Variants in TYW1 observed in about 807,000 individuals in gnomAD.
TYW1 encodes the protein S-adenosyl-L-methionine-dependent tRNA 4-demethylwyosine synthase TYW1.
Under a neutral mutation model 96.2 loss-of-function variants are expected in TYW1, and 46 were observed. The ratio of observed to expected loss-of-function variants is 0.48; its 90% CI spans 0.38 to 0.61. The LOEUF is 0.61. TYW1 is among the 20% of genes least tolerant of loss of function. The probability of loss-of-function intolerance (pLI) is 0.00; values close to 1 mark genes in which losing one functional copy is unlikely to be tolerated. For synonymous variants in TYW1, 274 were observed against 323.0 expected (o/e 0.85, Z 1.63); for missense variants, 684 against 909.6 (o/e 0.75, Z 3.19).
intron 12 of TYW1, among the ~76,000 whole-genome samples, chr7:67,116,187 G>A (rs1038744635): frequency 1.3e-5 from 2 of 152,044 alleles, no homozygotes; most frequent in African/African-American, 4.8e-5. Context: ...TTAGCCGGAT[G>A]TGGCACGGTA....
At chr7:66,999,307 T>C (rs1160178516) in intron 3 of TYW1, among the ~76,000 whole-genome samples, 3 of 152,214 alleles carry the variant, frequency 2.0e-5, no homozygotes, top group Non-Finnish European at 4.4e-5. Context: ...AGGATGGCAC[T>C]AATAGTTCCA....
At chr7:67,044,421 C>G (rs1269950802) in intron 7 of TYW1, among the ~76,000 whole-genome samples, 2 of 151,808 alleles carry the variant, frequency 1.3e-5, no homozygotes, top group East Asian at 1.9e-4. Flanking sequence ...TTGAAAGTTA[C>G]CAGGCTTAGA....
intron 15 of TYW1, among the ~76,000 whole-genome samples, chr7:67,221,817 C>T (rs1232390784): frequency 2.0e-5 from 3 of 151,628 alleles, no homozygotes; most frequent in African/African-American, 7.3e-5. Flanking sequence ...AGAATAACAC[C>T]TTTTTGATAC....
intron 11 of TYW1, among the ~76,000 whole-genome samples, chr7:67,094,427 A>G (rs1290642556): frequency 6.6e-6 from 1 of 152,082 alleles, no homozygotes; most frequent in Non-Finnish European, 1.5e-5. Flanking sequence ...AAATCTCTCT[A>G]TAGAGGTTGA....
chr7:67,002,724 A>AT (rs1285775190), intron 3 of TYW1, among the ~76,000 whole-genome samples: 7 of 148,336 alleles, frequency 4.7e-5, no homozygotes, highest in African/African-American at 1.2e-4. Context: ...TCTTGGATGA[A>AT]TTTTTTTTTC....
chr7:66,998,101 TA>T lies in TYW1; in HGVS notation c.43del (p.Ile15TyrfsTer5), dbSNP rs752828067. The stretch of plus-strand genomic sequence containing the variant: ...GATACATGGGACCTCTTCTCACCTT[TA>T]ATATCATTATGGATAAACAGGTTTT... ...SADTWDLFSP[L>X]ISLWINRFYI... On this transcript the variant is annotated frameshift_variant, in exon 2 of 16. Transcript: ENST00000359626. LOFTEE classifies it high-confidence loss of function. The T allele has an allele frequency of 2.0e-5, 33 of 1,610,882 alleles. No individual in the cohort carries two copies. Among genetic ancestry groups the T allele is most frequent in the Non-Finnish European group, 2.6e-5 (31 of 1,179,254 alleles).
intron 10 of TYW1, among the ~76,000 whole-genome samples, chr7:67,068,848 T>A (rs1399745001): frequency 6.6e-6 from 1 of 152,234 alleles, no homozygotes; most frequent in Non-Finnish European, 1.5e-5. Context: ...TAGGCTTGTG[T>A]TAACTTGTTC....
At chr7:67,215,568 TC>T (rs1349068507) in intron 15 of TYW1, among the ~76,000 whole-genome samples, 4 of 152,204 alleles carry the variant, frequency 2.6e-5, no homozygotes, top group African/African-American at 9.7e-5. Flanking sequence ...CTCTCCCTTT[TC>T]TGTACAACTT....
intron 10 of TYW1, among the ~76,000 whole-genome samples, chr7:67,075,511 G>A (rs769648003): frequency 4.6e-5 from 7 of 152,224 alleles, no homozygotes; most frequent in Non-Finnish European, 1.0e-4. Flanking sequence ...AACATGTGGT[G>A]TATCCATTCC....
chr7:67,112,100 C>CAAAAAAAAAAAAAAAA lies in TYW1; in HGVS notation c.1563-5375_1563-5360dup, dbSNP rs538839042. On this transcript the variant is annotated intron_variant, in intron 12 of 15. Transcript: ENST00000359626. The stretch of plus-strand genomic sequence containing the variant: ...GGTGACAGAGCGAGACTCTGTCTGA[C>CAAAAAAAAAAAAAAAA]AAAAAAAAAAAAAAAAAAAAAAAGA... Among the ~76,000 whole-genome samples the CAAAAAAAAAAAAAAAA allele has an allele frequency of 2.1e-3, 195 of 94,810 alleles. 3 individuals carry two copies. Among genetic ancestry groups the CAAAAAAAAAAAAAAAA allele is most frequent in the Admixed American group, 3.4e-3 (25 of 7,346 alleles). The allele number at this position is 94,810 out of a possible 152,430, so 62.2% of individuals were successfully genotyped here.
chr7:67,139,546 A>G (rs1339104515), intron 13 of TYW1, among the ~76,000 whole-genome samples: 2 of 152,238 alleles, frequency 1.3e-5, no homozygotes, highest in African/African-American at 2.4e-5. Context: ...ACCAAAATCT[A>G]CAGTTACCAT....
At chr7:67,218,489 G>T (rs1045821312) in intron 15 of TYW1, among the ~76,000 whole-genome samples, 32 of 152,058 alleles carry the variant, frequency 2.1e-4, no homozygotes, top group Admixed American at 6.5e-4. Flanking sequence ...GAGTAGCTGG[G>T]ACTACAAGTG....
chr7:67,081,267 C>T (rs1388548913), intron 10 of TYW1, among the ~76,000 whole-genome samples: 1 of 140,600 alleles, frequency 7.1e-6, no homozygotes, highest in Non-Finnish European at 1.5e-5. Flanking sequence ...TCATCCCATT[C>T]TCTCCTGGCC....
intron 14 of TYW1, among the ~76,000 whole-genome samples, chr7:67,193,565 C>T (rs1800292031): frequency 6.6e-6 from 1 of 152,106 alleles, no homozygotes; most frequent in African/African-American, 2.4e-5. Context: ...TCAAGACCAG[C>T]CTGGCCAACA....
chr7:67,111,385 G>A (rs13245888), intron 12 of TYW1, among the ~76,000 whole-genome samples: 84 of 152,264 alleles, frequency 5.5e-4, no homozygotes, highest in Non-Finnish European at 1.0e-3. Context: ...ATTTTTAGAA[G>A]AGACAGGGTT....
chr7:67,219,416 T>A (rs1214122811), intron 15 of TYW1, among the ~76,000 whole-genome samples: 2 of 152,216 alleles, frequency 1.3e-5, no homozygotes, highest in Non-Finnish European at 2.9e-5. Flanking sequence ...GAGTTGAAAG[T>A]ATTCCCTCCT....
At chr7:67,032,616 T>G (rs1359726916) in intron 7 of TYW1, among the ~76,000 whole-genome samples, 1 of 152,056 alleles carries the variant, frequency 6.6e-6, no homozygotes, top group African/African-American at 2.4e-5. Context: ...AGTTAGACCC[T>G]GTCTCAAAGA....
At chr7:67,067,172 TAGG>T in intron 9 of TYW1, 110 bp from the exon 10 acceptor site, 1 of 1,212,794 alleles carries the variant, frequency 8.2e-7, no homozygotes, top group South Asian at 1.3e-5. Context: ...CAGTTACCAG[TAGG>T]AGTATTCATG....
intron 10 of TYW1, among the ~76,000 whole-genome samples, chr7:67,079,864 G>A (rs6956400): frequency 0.17 from 26,443 of 152,008 alleles, 2,669 homozygotes; most frequent in African/African-American, 0.27. Context: ...CTGTTCAAGA[G>A]TGTGCTATTT....
Sources: gnomAD v4.1 joint callset for allele counts (sites outside exome capture counted in the v4.1 genomes callset) on GRCh38, gnomAD v4.1.1 for gene constraint, MANE v1.5 for transcripts, NCBI Gene and HGNC (gene_info 2026-07-23, HGNC 2026-07-21) for gene names.